CERK: variants seen among roughly 807,000 people sequenced by gnomAD.
CERK encodes acylsphingosine kinase.
A neutral mutation model predicts 63.4 loss-of-function variants in CERK; 39 were observed. The ratio of observed to expected loss-of-function variants is 0.61; its 90% CI spans 0.48 to 0.80. The LOEUF (loss-of-function observed/expected upper bound fraction) is 0.80, where lower values mean the gene tolerates loss of function less well. Among genes scored for constraint, CERK ranks in the 30% least tolerant of loss-of-function variants. The pLI is 0.00. For synonymous variants in CERK, 302 were observed against 280.0 expected, an observed-to-expected ratio of 1.08 and a Z score of -0.78; for missense variants, 670 against 714.1, an observed-to-expected ratio of 0.94 and a Z score of 0.70.
chr22:46,696,765 T>C (rs930755339), intron 8 of CERK, among the ~76,000 whole-genome samples: 3 of 152,138 alleles, frequency 2.0e-5, no homozygotes, highest in Non-Finnish European at 4.4e-5. Context: ...GGAAGGCGTC[T>C]CCTGCCTCGG....
At position 46,699,341 on chromosome 22, in the gene CERK, C is replaced by T; in HGVS notation, c.915G>A (p.Trp305Ter). The T allele has an allele frequency of 2.5e-6, 4 of 1,614,192 alleles. No individual in the cohort carries two copies. Among genetic ancestry groups the T allele is most frequent in the Non-Finnish European group, 3.4e-6 (4 of 1,180,028 alleles). ...DIIKDSEKKR[W>*]LGLARYDFSG... ...AAAAGTCGTATCTGGCAAGACCCAA[C>T]CACCGTTTCTTCTCACTGTCCTTGA... The change falls in exon 8 of 13, where the codon TGG becomes TGA. Residue 305 changes from tryptophan to a stop codon, truncating the protein, a stop_gained. Transcript: ENST00000216264. LOFTEE classifies it high-confidence loss of function.
At chr22:46,720,030 C>T in intron 3 of CERK, 56 bp downstream of exon 3, 4 of 1,579,494 alleles carry the variant, frequency 2.5e-6, no homozygotes, top group Non-Finnish European at 2.6e-6. Context: ...ATCACCCAAT[C>T]AGGCATGCGC....
chr22:46,731,802 G>A (rs1169125448), intron 1 of CERK, among the ~76,000 whole-genome samples: 1 of 152,238 alleles, frequency 6.6e-6, no homozygotes, highest in Non-Finnish European at 1.5e-5. Flanking sequence ...TGGGCGAGCA[G>A]TGCCTGGAAG....
At chr22:46,718,901 C>A (rs961573725) in intron 3 of CERK, among the ~76,000 whole-genome samples, 4 of 151,984 alleles carry the variant, frequency 2.6e-5, no homozygotes, top group African/African-American at 9.7e-5. Flanking sequence ...TGGCAAAACC[C>A]TGTCTGTACA....
intron 3 of CERK, among the ~76,000 whole-genome samples, chr22:46,716,803 G>C (rs757428801): frequency 6.6e-6 from 1 of 151,914 alleles, no homozygotes; most frequent in South Asian, 2.1e-4. Context: ...CTAGCCAGGC[G>C]TGGTGGCACA....
At chr22:46,736,345 G>A (rs757937513) in intron 1 of CERK, among the ~76,000 whole-genome samples, 5 of 152,200 alleles carry the variant, frequency 3.3e-5, no homozygotes, top group Non-Finnish European at 7.3e-5. Flanking sequence ...TCTCTGCGGC[G>A]GCTGGAGCCT....
At chr22:46,721,133 C>T (rs1011683014) in intron 1 of CERK, 118 bp from the exon 2 acceptor site, 4 of 712,812 alleles carry the variant, frequency 5.6e-6, no homozygotes, top group Non-Finnish European at 1.0e-5. Flanking sequence ...GAAATTCAGG[C>T]TGGGTGTGGT....
In CERK at chr22:46,696,845, G is replaced by C. The variant is rs373109918; in HGVS notation, c.944-1530C>G. ...TGGTGATGGGCTGAGGGCAAAGGGG[G>C]GGGCCAGGCATGCAGGGGGGCTGCC... On this transcript the variant is annotated intron_variant, in intron 8 of 12. Transcript: ENST00000216264. Among the ~76,000 whole-genome samples, 7 of 152,228 alleles carry C rather than the reference G, an allele frequency of 4.6e-5. No homozygotes were observed. The South Asian group carries it at 1.2e-3, about 27-fold the overall frequency.
In CERK at chr22:46,708,640, G is replaced by T. The variant is rs551030298; in HGVS notation, c.570-652C>A. Among the ~76,000 whole-genome samples the T allele has an allele frequency of 1.5e-4, 23 of 152,310 alleles. 2 individuals are homozygous for T. Among genetic ancestry groups the T allele is most frequent in the Admixed American group, 4.6e-4 (7 of 15,304 alleles). Reference sequence around the variant, plus strand: ...GACAGTGGCTGAAGGGAGAAAGGACGGGTTGGTTTCAGGGTGTGCTGTCCT... The same window carrying T: ...GACAGTGGCTGAAGGGAGAAAGGACTGGTTGGTTTCAGGGTGTGCTGTCCT... On this transcript the variant is annotated intron_variant, in intron 5 of 12. Transcript: ENST00000216264.
In CERK at chr22:46,684,635, C is replaced by T. The variant is rs933170253; in HGVS notation, c.*2499G>A. 3.3e-5 allele frequency: 5 copies of T among 152,218 alleles called. No individual in the cohort carries two copies. The highest frequency in any genetic ancestry group is 1.2e-4 in the African/African-American group (5 of 41,462). The allele number at this position is 152,218 out of a possible 1,614,324, so 9.4% of individuals were successfully genotyped here. On this transcript the variant is annotated 3_prime_UTR_variant, in exon 13 of 13. Transcript: ENST00000216264. The stretch of plus-strand genomic sequence containing the variant: ...TTGCATAACTGCTAATTGTTTTGCA[C>T]CAGGGAGCCACAAAGGAAGCTAAAA...
At chr22:46,717,898 C>T (rs538339337) in intron 3 of CERK, among the ~76,000 whole-genome samples, 53 of 147,900 alleles carry the variant, frequency 3.6e-4, no homozygotes, top group African/African-American at 1.1e-3. Context: ...CTGGCCAACA[C>T]GGCGAAACTC....
chr22:46,695,782 C>T (rs2082753160), intron 8 of CERK, among the ~76,000 whole-genome samples: 1 of 152,254 alleles, frequency 6.6e-6, no homozygotes, highest in East Asian at 1.9e-4. Context: ...GGACAGAGGC[C>T]AGGGCCGCTG....
intron 12 of CERK, among the ~76,000 whole-genome samples, chr22:46,689,139 C>T (rs1262575149): frequency 6.6e-6 from 1 of 152,236 alleles, no homozygotes; most frequent in African/African-American, 2.4e-5. Context: ...CCGTGTGTGG[C>T]CACACCTGCC....
chr22:46,724,300 G>A (rs1458748612), intron 1 of CERK, among the ~76,000 whole-genome samples: 1 of 152,216 alleles, frequency 6.6e-6, no homozygotes, highest in Non-Finnish European at 1.5e-5. Context: ...GGAAATATGT[G>A]TTCATCGGCT....
Position 46,721,006 on chromosome 22 carries a change from G to T in CERK, c.152C>A (p.Ser51Tyr). ...GAGAPGADAC[S>Y]VPVSEIIAVE... ...GGCGATGATCTCAGATACAGGCACA[G>T]AGCAGGCATCTGTAAAAACACCACG... The change falls in exon 2 of 13, where the codon TCT becomes TAT. Residue 51 changes from serine to tyrosine, a missense_variant. Transcript: ENST00000216264. 1 of 1,610,906 alleles carries T rather than the reference G, an allele frequency of 6.2e-7. No individual in the cohort carries two copies. The highest frequency in any genetic ancestry group is 8.5e-7 in the Non-Finnish European group (1 of 1,177,186).
At chr22:46,691,078 C>T (rs548898236) in intron 11 of CERK, among the ~76,000 whole-genome samples, 56 of 151,746 alleles carry the variant, frequency 3.7e-4, no homozygotes, top group African/African-American at 1.4e-3. Flanking sequence ...CACACACACA[C>T]ACACACATAT....
Position 46,720,945 on chromosome 22 carries a change from G to A in CERK, c.213C>T (p.Gly71=). The A allele has an allele frequency of 6.2e-7, 1 of 1,613,464 alleles. No individual in the cohort carries two copies. Among genetic ancestry groups the A allele is most frequent in the Non-Finnish European group, 8.5e-7 (1 of 1,179,538 alleles). Residue 71 remains glycine, a synonymous_variant, in exon 2 of 13, where the codon GGC becomes GGT. Coordinates refer to ENST00000216264, the MANE Select transcript of CERK (RefSeq NM_022766.6). ...EETDVHGKHQ[G]SGKWQKMEKP... ...TTTCCATTTTCTGCCATTTTCCACTGCCTTGATGTTTCCCGTGAACGTCTG... is the reference window on the plus strand; with the variant it reads ...TTTCCATTTTCTGCCATTTTCCACTACCTTGATGTTTCCCGTGAACGTCTG...
intron 1 of CERK, among the ~76,000 whole-genome samples, chr22:46,721,481 A>G (rs993257637): frequency 1.3e-5 from 2 of 152,044 alleles, no homozygotes; most frequent in Admixed American, 6.6e-5. Flanking sequence ...TAAACTCACA[A>G]ATAAATAACT....
In CERK at chr22:46,685,639, A is replaced by G. The variant is rs900148259; in HGVS notation, c.*1495T>C. Reference sequence around the variant, plus strand: ...CTCTTTACACCCAGAATTTTCATTCATTATTGAACCATTTGGCTTGCACAG... The same window carrying G: ...CTCTTTACACCCAGAATTTTCATTCGTTATTGAACCATTTGGCTTGCACAG... On this transcript the variant is annotated 3_prime_UTR_variant, in exon 13 of 13. Transcript: ENST00000216264. The G allele has an allele frequency of 6.6e-6, 1 of 152,252 alleles. No homozygotes were observed. The highest frequency in any genetic ancestry group is 2.4e-5 in the African/African-American group (1 of 41,470). 9.4% of individuals were successfully genotyped at this position (152,252 alleles called of 1,614,324 possible). A position where few individuals can be genotyped will look rare whatever the true frequency, so the allele number is the denominator to read the frequency against.
Sources: gnomAD v4.1 joint callset for allele counts (sites outside exome capture counted in the v4.1 genomes callset) on GRCh38, gnomAD v4.1.1 for gene constraint, MANE v1.5 for transcripts, NCBI Gene and HGNC (gene_info 2026-07-23, HGNC 2026-07-21) for gene names.